CNTN4: variants seen among roughly 807,000 people sequenced by gnomAD.
CNTN4 encodes contactin 4, also known as contactin-4.
Under a neutral mutation model 122.5 loss-of-function variants are expected in CNTN4, and 77 were observed. The observed-to-expected ratio is 0.63, with a 90% CI of 0.52 to 0.76. CNTN4 has a LOEUF of 0.76. Ranked by LOEUF, CNTN4 falls within the 30% of genes least tolerant of loss-of-function variation. CNTN4 has a pLI of 0.00. For missense variants in CNTN4, 1,256 were observed against 1,259.1 expected (o/e 1.00, Z 0.04); for synonymous variants, 512 against 447.0 (o/e 1.15, Z -1.83).
At chr3:3,009,597 C>A (rs895614019) in intron 14 of CNTN4, among the ~76,000 whole-genome samples, 3 of 114,282 alleles carry the variant, frequency 2.6e-5, no homozygotes, top group Non-Finnish European at 5.7e-5. Context: ...CCACGCCCGG[C>A]TAATTTTTTG....
Position 2,961,375 on chromosome 3 carries a change from T to C in CNTN4, c.1359-26970T>C, listed in dbSNP as rs61036317. ...TCTTGTTATTTTAAGCAACTGAGTT[T>C]GGGGGTTGTATGTTATGTGGTGATA... On this transcript the variant is annotated intron_variant, in intron 13 of 24. Transcript: ENST00000418658. 4.9e-3 allele frequency among the ~76,000 whole-genome samples: 740 copies of C among 151,818 alleles called. 5 individuals are homozygous for C. Among genetic ancestry groups the C allele is most frequent in the African/African-American group, 0.017 (709 of 41,248 alleles).
At chr3:2,648,085 G>A (rs1274221453) in intron 4 of CNTN4, among the ~76,000 whole-genome samples, 5 of 152,140 alleles carry the variant, frequency 3.3e-5, no homozygotes, top group Non-Finnish European at 7.4e-5. Context: ...AAAACGCTCT[G>A]AAGATTTTTT....
intron 3 of CNTN4, among the ~76,000 whole-genome samples, chr3:2,551,665 ATTTTAAG>A: frequency 6.6e-6 from 1 of 152,284 alleles, no homozygotes; most frequent in African/African-American, 2.4e-5. Context: ...GCATGTGAAG[ATTTTAAG>A]TAATGCAGAA....
intron 3 of CNTN4, among the ~76,000 whole-genome samples, chr3:2,380,057 C>CAAAAA (rs5846182): frequency 1.7e-4 from 20 of 119,800 alleles, no homozygotes; most frequent in African/African-American, 3.1e-4. Context: ...AACTCCATCT[C>CAAAAA]AAAAAAAAAA....
chr3:2,175,749 C>G (rs1369133933), intron 2 of CNTN4, among the ~76,000 whole-genome samples: 1 of 152,128 alleles, frequency 6.6e-6, no homozygotes, highest in Non-Finnish European at 1.5e-5. Flanking sequence ...CTCTGGCTAA[C>G]TGGTGTGTTG....
intron 3 of CNTN4, among the ~76,000 whole-genome samples, chr3:2,505,165 G>A (rs1321298211): frequency 6.6e-6 from 1 of 152,086 alleles, no homozygotes; most frequent in East Asian, 1.9e-4. Context: ...TGTATTCTTA[G>A]GAGAATTATT....
intron 6 of CNTN4, among the ~76,000 whole-genome samples, chr3:2,787,273 G>A (rs1272726753): frequency 6.6e-6 from 1 of 152,104 alleles, no homozygotes; most frequent in Non-Finnish European, 1.5e-5. Flanking sequence ...CTACTTGGGA[G>A]GCTGAGGCAG....
At chr3:2,818,596 G>A (rs1331316873) in intron 6 of CNTN4, among the ~76,000 whole-genome samples, 1 of 152,088 alleles carries the variant, frequency 6.6e-6, no homozygotes, top group African/African-American at 2.4e-5. Context: ...CTTATTGAGA[G>A]GATTTACATC....
At chr3:2,503,413 A>G (rs1422945400) in intron 3 of CNTN4, among the ~76,000 whole-genome samples, 3 of 152,174 alleles carry the variant, frequency 2.0e-5, no homozygotes, top group Non-Finnish European at 2.9e-5. Flanking sequence ...TGGTTGGGGA[A>G]GTATCGTCTT....
intron 4 of CNTN4, among the ~76,000 whole-genome samples, chr3:2,604,039 G>A (rs1045510311): frequency 1.3e-5 from 2 of 152,104 alleles, no homozygotes; most frequent in African/African-American, 2.4e-5. Flanking sequence ...AGGGAAATGT[G>A]GCAAATCATA....
At chr3:2,621,130 C>G (rs1374567577) in intron 4 of CNTN4, among the ~76,000 whole-genome samples, 1 of 147,610 alleles carries the variant, frequency 6.8e-6, no homozygotes, top group Non-Finnish European at 1.5e-5. Context: ...TGTTCGTGGA[C>G]ACATAGAAAG....
chr3:2,153,662 GC>G (rs145830311), intron 2 of CNTN4, among the ~76,000 whole-genome samples: 4,238 of 152,236 alleles, frequency 0.028, 185 homozygotes, highest in African/African-American at 0.094. Context: ...TTTATTCTGA[GC>G]GGGGAGGTAG....
At chr3:2,453,238 A>G (rs150064042) in intron 3 of CNTN4, among the ~76,000 whole-genome samples, 192 of 152,284 alleles carry the variant, frequency 1.3e-3, no homozygotes, top group African/African-American at 4.4e-3. Context: ...AAGTTATAGA[A>G]TCAAAAAAAA....
intron 2 of CNTN4, among the ~76,000 whole-genome samples, chr3:2,121,472 G>A (rs1488414173): frequency 6.6e-6 from 1 of 150,494 alleles, no homozygotes; most frequent in East Asian, 2.0e-4. Flanking sequence ...CACCCAGCCT[G>A]GGTGACAGAG....
chr3:2,388,905 C>G (rs1018538486), intron 3 of CNTN4, among the ~76,000 whole-genome samples: 2 of 147,748 alleles, frequency 1.4e-5, no homozygotes, highest in Admixed American at 1.3e-4. Context: ...CGCCTGTAAT[C>G]CCAGCACTTT....
intron 2 of CNTN4, among the ~76,000 whole-genome samples, chr3:2,169,668 A>T (rs947232443): frequency 2.6e-5 from 4 of 152,036 alleles, no homozygotes; most frequent in Non-Finnish European, 4.4e-5. Context: ...AAGTGCTGGG[A>T]TTACAGGCGT....
chr3:2,745,142 C>G (rs2089682688), intron 5 of CNTN4, among the ~76,000 whole-genome samples: 1 of 152,160 alleles, frequency 6.6e-6, no homozygotes, highest in Admixed American at 6.5e-5. Flanking sequence ...CTGTATAGAC[C>G]TATTTAAAGA....
intron 2 of CNTN4, among the ~76,000 whole-genome samples, chr3:2,131,198 C>G (rs2034433791): frequency 6.6e-6 from 1 of 152,066 alleles, no homozygotes; most frequent in South Asian, 2.1e-4. Context: ...AGAAACTTGC[C>G]TAAGGATACA....
At chr3:2,191,367 C>G (rs778623154) in intron 2 of CNTN4, among the ~76,000 whole-genome samples, 1 of 151,940 alleles carries the variant, frequency 6.6e-6, no homozygotes, top group Non-Finnish European at 1.5e-5. Flanking sequence ...AGTATAGCCC[C>G]TACATTAAAG....
Sources: gnomAD v4.1 joint callset for allele counts (sites outside exome capture counted in the v4.1 genomes callset) on GRCh38, gnomAD v4.1.1 for gene constraint, MANE v1.5 for transcripts, NCBI Gene and HGNC (gene_info 2026-07-23, HGNC 2026-07-21) for gene names.